SEC14L1: variants seen among roughly 807,000 people sequenced by gnomAD.
SEC14L1 encodes the protein SEC14 like lipid binding 1.
Under a neutral mutation model 85.3 loss-of-function variants are expected in SEC14L1, and 48 were observed. The observed-to-expected ratio is 0.56, with a 90% CI of 0.45 to 0.72. SEC14L1 has a LOEUF of 0.72. Ranked by LOEUF, SEC14L1 falls within the 30% of genes least tolerant of loss-of-function variation. SEC14L1 has a pLI of 0.00. For missense variants in SEC14L1, 682 were observed against 921.4 expected (o/e 0.74, Z 3.36); for synonymous variants, 391 against 355.5 (o/e 1.10, Z -1.12).
At chr17:77,162,932 C>G (rs1367189258) in intron 3 of SEC14L1, among the ~76,000 whole-genome samples, 1 of 152,054 alleles carries the variant, frequency 6.6e-6, no homozygotes, top group East Asian at 1.9e-4. Context: ...TCACCTAAAA[C>G]TATATCATGT....
intron 2 of SEC14L1, among the ~76,000 whole-genome samples, 175 bp downstream of exon 2, chr17:77,142,925 A>T (rs1206338277): frequency 6.6e-6 from 1 of 152,226 alleles, no homozygotes. Flanking sequence ...TTACTTACGG[A>T]TATTAGCTAT....
At chr17:77,146,156 C>T (rs1973293031) in intron 3 of SEC14L1, among the ~76,000 whole-genome samples, 1 of 152,132 alleles carries the variant, frequency 6.6e-6, no homozygotes, top group Non-Finnish European at 1.5e-5. Context: ...GACCCTTGTT[C>T]AGTGAGCTGG....
chr17:77,145,073 T>C (rs1448585520), intron 3 of SEC14L1: 1 of 149,770 alleles, frequency 6.7e-6, no homozygotes, highest in Non-Finnish European at 1.5e-5. Context: ...CGCACCTGGC[T>C]AATTTGTGTG....
At position 77,182,537 on chromosome 17, in the gene SEC14L1, A is replaced by G. The variant is rs1267238361; in HGVS notation, c.64-8266A>G. ...GAGTGAGCAAATGATTACAGTAGTT[A>G]TTTGTCTTACAGAAATAATTTTTCC... On this transcript the variant is annotated intron_variant, in intron 3 of 16. Transcript: ENST00000436233. Among the ~76,000 whole-genome samples, 6 of 152,196 alleles carry G rather than the reference A, an allele frequency of 3.9e-5. No individual in the cohort carries two copies. In the East Asian group the frequency reaches 9.6e-4, roughly 24 times the overall value.
At chr17:77,135,820 T>C (rs1352930510) in intron 3 of SEC14L1, among the ~76,000 whole-genome samples, 1 of 152,118 alleles carries the variant, frequency 6.6e-6, no homozygotes, top group Non-Finnish European at 1.5e-5. Context: ...AGGCATAAGC[T>C]ATGTATCTGG....
chr17:77,189,126 C>A (rs1975403727), intron 3 of SEC14L1, among the ~76,000 whole-genome samples: 1 of 151,778 alleles, frequency 6.6e-6, no homozygotes, highest in Non-Finnish European at 1.5e-5. Context: ...TTTTTGATTC[C>A]AGAATCAGGC....
chr17:77,128,743 C>T (rs530090132), intron 3 of SEC14L1, among the ~76,000 whole-genome samples: 7 of 152,082 alleles, frequency 4.6e-5, no homozygotes, highest in Admixed American at 2.0e-4. Flanking sequence ...TGTGATTCAC[C>T]GCGCCTGGCC....
In SEC14L1 at chr17:77,141,399, C is replaced by T. The variant is rs560298654; in HGVS notation, c.-136+292C>T. On this transcript the variant is annotated intron_variant, in intron 1 of 16. Transcript: ENST00000436233. ...CCCGGGAGCCGCTTTTTGCTGAGAG[C>T]GGAGTTTCGGGTCCGGAGCCAGTGC... 4.2e-5 allele frequency: 6 copies of T among 142,254 alleles called. No individual in the cohort carries two copies. In the South Asian group the frequency reaches 9.0e-4, roughly 21 times the overall value. 8.8% of individuals were successfully genotyped at this position (142,254 alleles called of 1,614,324 possible).
chr17:77,100,359 C>G (rs755298948), intron 3 of SEC14L1, among the ~76,000 whole-genome samples: 29 of 149,778 alleles, frequency 1.9e-4, no homozygotes, highest in Middle Eastern at 7.2e-3. Context: ...GTATTGTTGT[C>G]CCTGTTAATT....
intron 3 of SEC14L1, among the ~76,000 whole-genome samples, chr17:77,180,440 A>T (rs898797710): frequency 6.6e-6 from 1 of 151,832 alleles, no homozygotes; most frequent in Non-Finnish European, 1.5e-5. Flanking sequence ...TTTGTTTGAG[A>T]TAAGGTCTGG....
chr17:77,190,715 G>A, intron 3 of SEC14L1, 88 bp from the exon 4 acceptor site: 1 of 1,377,170 alleles, frequency 7.3e-7, no homozygotes, highest in Non-Finnish European at 1.0e-6. Context: ...TGCACCGAGA[G>A]GTGCTGTTCC....
In SEC14L1 at chr17:77,127,551, T is replaced by C. The variant is rs181120115; in HGVS notation, c.-135-15095T>C. Among the ~76,000 whole-genome samples, 696 of 151,910 alleles carry C rather than the reference T, an allele frequency of 4.6e-3. 3 individuals carry two copies. The highest frequency in any genetic ancestry group is 0.015 in the African/African-American group (637 of 41,418). ...TTTTAGTAGAAATGGGGTTTCACCA[T>C]GTTGGCCAGGCTGGTCTCGAACTTC... On this transcript the variant is annotated intron_variant, in intron 3 of 19. Coordinates refer to the SEC14L1 transcript ENST00000392476.
chr17:77,216,334 A>C lies in SEC14L1; in HGVS notation c.*2311A>C, dbSNP rs1977088419. 7.5e-7 allele frequency: 1 copy of C among 1,331,668 alleles called. No homozygotes were observed. The highest frequency in any genetic ancestry group is 9.6e-7 in the Non-Finnish European group (1 of 1,041,016). The allele number at this position is 1,331,668 out of a possible 1,614,324, so 82.5% of individuals were successfully genotyped here. The stretch of plus-strand genomic sequence containing the variant: ...GGTAGGGCTAGTAGGTAGGGCTAGT[A>C]GGTAGGGTTAGTAGGTAGGGCTAGT... On this transcript the variant is annotated 3_prime_UTR_variant, in exon 17 of 17. Transcript: ENST00000436233.
chr17:77,172,981 A>G (rs961625938), intron 3 of SEC14L1, among the ~76,000 whole-genome samples: 11 of 152,190 alleles, frequency 7.2e-5, no homozygotes, highest in Non-Finnish European at 1.5e-4. Flanking sequence ...AAATTGTCAT[A>G]GCAGCCCTGC....
chr17:77,133,066 TCTCA>T (rs938621717), intron 3 of SEC14L1, among the ~76,000 whole-genome samples: 3 of 152,040 alleles, frequency 2.0e-5, no homozygotes, highest in Non-Finnish European at 4.4e-5. Context: ...AGAGACAAGG[TCTCA>T]CTATGTTCTC....
Position 77,194,682 on chromosome 17 carries a change from G to A in SEC14L1, c.480G>A (p.Lys160=), listed in dbSNP as rs745464993. The A allele has an allele frequency of 1.9e-6, 3 of 1,613,268 alleles. No homozygotes were observed. In the South Asian group the frequency reaches 3.3e-5, roughly 18 times the overall value. Reference sequence around the variant, plus strand: ...AAATTGGTTTTGTTTTAAAGGGAAAGGAAATCATCGAATACTACCTTCGCC... The same window carrying A: ...AAATTGGTTTTGTTTTAAAGGGAAAAGAAATCATCGAATACTACCTTCGCC... ...KQYTSNIKKG[K]EIIEYYLRQL... Residue 160 remains lysine (K), a synonymous_variant, in exon 7 of 17, where the codon AAG becomes AAA. Coordinates refer to ENST00000436233, the MANE Select transcript of SEC14L1 (RefSeq NM_001143998.2).
chr17:77,124,472 G>A (rs1005353998), intron 3 of SEC14L1, among the ~76,000 whole-genome samples: 43 of 152,216 alleles, frequency 2.8e-4, no homozygotes, highest in Admixed American at 1.3e-4. Flanking sequence ...TTCCTTAGCT[G>A]TGTATCACTG....
intron 3 of SEC14L1, among the ~76,000 whole-genome samples, chr17:77,184,166 G>C (rs966831428): frequency 6.6e-6 from 1 of 152,288 alleles, no homozygotes; most frequent in Non-Finnish European, 1.5e-5. Flanking sequence ...GTCTGCTTCC[G>C]CTGCATCACG....
rs934756224 is a variant in SEC14L1, at chr17:77,214,712, T to G, written c.*689T>G. 2.0e-6 allele frequency: 2 copies of G among 985,406 alleles called. No individual in the cohort carries two copies. Among genetic ancestry groups the G allele is most frequent in the Non-Finnish European group, 1.2e-6 (1 of 829,996 alleles). The allele number at this position is 985,406 out of a possible 1,614,324, so 61.0% of individuals were successfully genotyped here. A position where few individuals can be genotyped will look rare whatever the true frequency, so the allele number is the denominator to read the frequency against. Reference sequence around the variant, plus strand: ...CCATCGTTAAACATTACTTTCTCTTTCCTCCTTTTCAAATCTTTTTGATAC... The same window carrying G: ...CCATCGTTAAACATTACTTTCTCTTGCCTCCTTTTCAAATCTTTTTGATAC... On this transcript the variant is annotated 3_prime_UTR_variant, in exon 17 of 17. Coordinates refer to ENST00000436233, the MANE Select transcript of SEC14L1 (RefSeq NM_001143998.2).
Sources: gnomAD v4.1 joint callset for allele counts (sites outside exome capture counted in the v4.1 genomes callset) on GRCh38, gnomAD v4.1.1 for gene constraint, MANE v1.5 for transcripts, NCBI Gene and HGNC (gene_info 2026-07-23, HGNC 2026-07-21) for gene names.